The following PREX1 variants were observed in gnomAD, a reference collection of about 807,000 sequenced individuals.
PREX1 encodes phosphatidylinositol-3,4,5-trisphosphate dependent Rac exchange factor 1, also known as phosphatidylinositol 3,4,5-trisphosphate-dependent Rac exchanger 1 protein.
Under a neutral mutation model 198.3 loss-of-function variants are expected in PREX1, and 41 were observed. That is an observed-to-expected ratio of 0.21 (90% CI 0.16 to 0.27). The LOEUF (loss-of-function observed/expected upper bound fraction) is 0.27. Ranked by LOEUF, PREX1 falls within the 10% of genes least tolerant of loss-of-function variation. The pLI, the probability that PREX1 is intolerant of heterozygous loss-of-function variation, is 1.00. For missense variants in PREX1, 1,620 were observed against 2,200.7 expected (o/e 0.74, Z 5.28); for synonymous variants, 843 against 887.2 (o/e 0.95, Z 0.89).
At chr20:48,884,497 T>C in the PREX1 span, among the ~76,000 whole-genome samples, 1 of 152,212 alleles carries the variant, frequency 6.6e-6, no homozygotes, top group Non-Finnish European at 1.5e-5. Flanking sequence ...CATCACATCA[T>C]ATGCAAACAA....
the PREX1 span, among the ~76,000 whole-genome samples, chr20:48,887,346 G>T: frequency 6.6e-6 from 1 of 152,184 alleles, no homozygotes; most frequent in African/African-American, 2.4e-5. Context: ...GCCAAGGCAT[G>T]CGGATCACTT....
upstream of PREX1, among the ~76,000 whole-genome samples, chr20:48,831,056 C>G (rs1401970052): frequency 1.3e-5 from 2 of 152,182 alleles, no homozygotes; most frequent in Non-Finnish European, 2.9e-5. Context: ...AGGATCATGG[C>G]ACCTTTGACC....
chr20:48,709,892 C>T (rs1445569970), intron 5 of PREX1, among the ~76,000 whole-genome samples: 1 of 152,060 alleles, frequency 6.6e-6, no homozygotes, highest in Non-Finnish European at 1.5e-5. Context: ...TCTTCATTCA[C>T]TTATTTTCTT....
At position 48,659,233 on chromosome 20, in the gene PREX1, AAAGG is replaced by A. The variant is rs373009346; in HGVS notation, c.1881+682_1881+685del. The stretch of plus-strand genomic sequence containing the variant: ...AGAAAGAAAGGGGAGGAGAGAAAGA[AAAGG>A]AAGGAAGGAAGGAAGGAAGGAAGGA... On this transcript the variant is annotated intron_variant, in intron 16 of 39. Coordinates refer to ENST00000371941, the MANE Select transcript of PREX1 (RefSeq NM_020820.4). Among the ~76,000 whole-genome samples, 750 of 98,922 alleles carry A rather than the reference AAAGG, an allele frequency of 7.6e-3. 8 individuals carry two copies. Among genetic ancestry groups the A allele is most frequent in the Admixed American group, 0.019 (153 of 8,230 alleles). The allele number at this position is 98,922 out of a possible 152,430, so 64.9% of individuals were successfully genotyped here. A position where few individuals can be genotyped will look rare whatever the true frequency, so the allele number is the denominator to read the frequency against.
intron 29 of PREX1, 53 bp from the exon 30 acceptor site, chr20:48,639,947 A>G (rs2089396195): frequency 6.3e-7 from 1 of 1,588,656 alleles, no homozygotes; most frequent in Non-Finnish European, 8.6e-7. Context: ...GTAGTGTTGG[A>G]GAACGGTGGC....
chr20:48,861,903 GA>G, the PREX1 span, among the ~76,000 whole-genome samples: 2 of 151,874 alleles, frequency 1.3e-5, 1 homozygote, highest in South Asian at 4.2e-4. Flanking sequence ...GCCTCCCCTC[GA>G]AAAATAGAGA....
chr20:48,650,625 T>C (rs1477001444), intron 23 of PREX1, among the ~76,000 whole-genome samples: 1 of 152,244 alleles, frequency 6.6e-6, no homozygotes, highest in Non-Finnish European at 1.5e-5. Flanking sequence ...GCTAGAGCTA[T>C]CAAGGGCCAA....
intron 1 of PREX1, among the ~76,000 whole-genome samples, chr20:48,802,257 C>T (rs765742937): frequency 6.6e-6 from 1 of 152,100 alleles, no homozygotes; most frequent in Non-Finnish European, 1.5e-5. Context: ...GCTTCTCTAC[C>T]TCTTACAATA....
Position 48,625,563 on chromosome 20 carries a change from T to C in PREX1, c.*322A>G, listed in dbSNP as rs924366812. 99 of 323,204 alleles carry C rather than the reference T, an allele frequency of 3.1e-4. No homozygotes were observed. The highest frequency in any genetic ancestry group is 2.1e-3 in the African/African-American group (98 of 45,974). The allele number at this position is 323,204 out of a possible 1,614,324, so 20.0% of individuals were successfully genotyped here. ...GCCGGGTGGCCCCATGTGGCCTCCA[T>C]GACGTTCCCTTGGGTTCTGGGGACG... On this transcript the variant is annotated 3_prime_UTR_variant, in exon 40 of 40. Coordinates refer to ENST00000371941, the MANE Select transcript of PREX1 (RefSeq NM_020820.4).
At chr20:48,685,941 C>T (rs1423328316) in intron 10 of PREX1, among the ~76,000 whole-genome samples, 1 of 141,702 alleles carries the variant, frequency 7.1e-6, no homozygotes, top group Non-Finnish European at 1.6e-5. Flanking sequence ...ATGCAGTTCC[C>T]TAACAGTGGA....
intron 8 of PREX1, 107 bp downstream of exon 8, chr20:48,692,565 T>G: frequency 2.2e-6 from 2 of 901,164 alleles, no homozygotes; most frequent in South Asian, 3.3e-5. Flanking sequence ...TGTAGGTAGA[T>G]TACATCTCAT....
chr20:48,808,116 G>A (rs1378086932), intron 1 of PREX1, among the ~76,000 whole-genome samples: 2 of 152,194 alleles, frequency 1.3e-5, no homozygotes, highest in East Asian at 3.8e-4. Context: ...TCAAAGCTCT[G>A]TGTGTGGGGA....
intron 1 of PREX1, among the ~76,000 whole-genome samples, chr20:48,775,120 T>C (rs1180760764): frequency 2.6e-5 from 4 of 152,152 alleles, no homozygotes; most frequent in Non-Finnish European, 5.9e-5. Flanking sequence ...AGGCACTCAT[T>C]GGTTCTCTCG....
At chr20:48,872,928 A>G in the PREX1 span, among the ~76,000 whole-genome samples, 1 of 152,042 alleles carries the variant, frequency 6.6e-6, no homozygotes, top group Non-Finnish European at 1.5e-5. Flanking sequence ...TTTGCTGGGC[A>G]CTCTGTTTCC....
At chr20:48,857,758 G>C in the PREX1 span, among the ~76,000 whole-genome samples, 7 of 152,212 alleles carry the variant, frequency 4.6e-5, no homozygotes, top group Non-Finnish European at 8.8e-5. Flanking sequence ...GGGTGACAGA[G>C]TAAGACCCTG....
At chr20:48,771,976 C>T (rs1361595118) in intron 1 of PREX1, among the ~76,000 whole-genome samples, 1 of 152,128 alleles carries the variant, frequency 6.6e-6, no homozygotes, top group Non-Finnish European at 1.5e-5. Flanking sequence ...GGCGAATCAC[C>T]TGAGTTCAGG....
In PREX1 at chr20:48,649,521, G is replaced by A; in HGVS notation, c.3084C>T (p.Pro1028=). 6.2e-7 allele frequency: 1 copy of A among 1,613,390 alleles called. No individual in the cohort carries two copies. Among genetic ancestry groups the A allele is most frequent in the Non-Finnish European group, 8.5e-7 (1 of 1,179,662 alleles). The change falls in exon 25 of 40, where the codon CCC becomes CCT. Residue 1028 remains proline (P), a synonymous_variant. Coordinates refer to ENST00000371941, the MANE Select transcript of PREX1 (RefSeq NM_020820.4). The part of the protein sequence containing the change: ...TQHCITTMAA[P]SWKCLPAAEG... ...CTGCAGCAGGCAAGCACTTCCAGGA[G>A]GGAGCAGCCATGGTGGTGATGCAGT...
intron 14 of PREX1, 90 bp downstream of exon 14, chr20:48,676,103 C>A: frequency 7.7e-7 from 1 of 1,296,176 alleles, no homozygotes; most frequent in Non-Finnish European, 1.1e-6. Flanking sequence ...CAATTAAAAG[C>A]AATAAGAAAA....
chr20:48,796,709 T>A (rs1373063771), intron 1 of PREX1, among the ~76,000 whole-genome samples: 1 of 150,678 alleles, frequency 6.6e-6, no homozygotes, highest in South Asian at 2.1e-4. Flanking sequence ...ATAGATGTGA[T>A]ATAAAATGTA....
Sources: gnomAD v4.1 joint callset for allele counts (sites outside exome capture counted in the v4.1 genomes callset) on GRCh38, gnomAD v4.1.1 for gene constraint, MANE v1.5 for transcripts, NCBI Gene and HGNC (gene_info 2026-07-23, HGNC 2026-07-21) for gene names.